Variants in SYNE2 observed in about 807,000 individuals in gnomAD.
The protein encoded by SYNE2 is nesprin-2.
A neutral mutation model predicts 856.3 loss-of-function variants in SYNE2; 431 were observed. That is an observed-to-expected ratio of 0.50 (90% CI 0.47 to 0.55). The LOEUF (loss-of-function observed/expected upper bound fraction) is 0.55. SYNE2 is among the 20% of genes least tolerant of loss of function. The pLI is 0.00. For synonymous variants in SYNE2, 2,923 were observed against 2,872.3 expected (o/e 1.02, Z -0.56); for missense variants, 8,129 against 8,023.2 (o/e 1.01, Z -0.50).
intron 37 of SYNE2, 103 bp downstream of exon 37, chr14:64,022,131 C>T: frequency 9.3e-7 from 1 of 1,070,436 alleles, no homozygotes; most frequent in Non-Finnish European, 1.4e-6. Flanking sequence ...AGATGGTTTG[C>T]ACAGACTACA....
At chr14:63,762,765 C>A (rs942654938) in intron 1 of SYNE2, among the ~76,000 whole-genome samples, 2 of 151,612 alleles carry the variant, frequency 1.3e-5, no homozygotes, top group East Asian at 3.9e-4. Flanking sequence ...AGGACAAACA[C>A]GCTGAACTAT....
intron 1 of SYNE2, among the ~76,000 whole-genome samples, chr14:63,906,094 G>C (rs760005061): frequency 6.6e-6 from 1 of 152,112 alleles, no homozygotes; most frequent in Non-Finnish European, 1.5e-5. Flanking sequence ...TGTTTATGTG[G>C]TGAATCACAT....
chr14:63,937,871 G>T (rs1404010832), intron 2 of SYNE2, among the ~76,000 whole-genome samples: 1 of 152,186 alleles, frequency 6.6e-6, no homozygotes. Context: ...AAGAATGAAA[G>T]GTAGGATATC....
At chr14:64,191,070 G>A (rs1428307524) in intron 99 of SYNE2, 1 of 701,916 alleles carries the variant, frequency 1.4e-6, no homozygotes, top group Admixed American at 2.0e-5. Context: ...ATAGAATTTG[G>A]AATATACAGG....
intron 108 of SYNE2, 67 bp downstream of exon 108, chr14:64,216,454 G>A: frequency 6.4e-7 from 1 of 1,573,724 alleles, no homozygotes; most frequent in Non-Finnish European, 8.7e-7. Flanking sequence ...GCAAGAGAGA[G>A]AGATTTTGGT....
chr14:63,979,407 T>C (rs1481272429), intron 14 of SYNE2, among the ~76,000 whole-genome samples: 1 of 152,264 alleles, frequency 6.6e-6, no homozygotes, highest in East Asian at 1.9e-4. Context: ...GATCTTAGCT[T>C]ACTAAATTTT....
intron 62 of SYNE2, 163 bp downstream of exon 62, chr14:64,098,309 A>T: frequency 1.3e-6 from 1 of 781,492 alleles, no homozygotes; most frequent in East Asian, 2.7e-5. Flanking sequence ...AGTGAATATA[A>T]ATCCTCAGGG....
chr14:64,223,083 C>A, intron 112 of SYNE2, 106 bp from the exon 113 acceptor site: 1 of 1,106,172 alleles, frequency 9.0e-7, no homozygotes, highest in Non-Finnish European at 1.4e-6. Flanking sequence ...TTGAGTACTA[C>A]CCATCATTCA....
At chr14:63,911,727 A>G (rs1306511945) in intron 2 of SYNE2, among the ~76,000 whole-genome samples, 1 of 152,228 alleles carries the variant, frequency 6.6e-6, no homozygotes, top group Non-Finnish European at 1.5e-5. Flanking sequence ...TGGAAAATTC[A>G]TTAAATCTTA....
chr14:64,050,916 G>A (rs546653398), intron 47 of SYNE2, among the ~76,000 whole-genome samples: 1 of 151,846 alleles, frequency 6.6e-6, no homozygotes, highest in South Asian at 2.1e-4. Context: ...AGCTACTTGG[G>A]AGGCTGAGGC....
At chr14:64,209,877 A>G in intron 102 of SYNE2, 65 bp from the exon 103 acceptor site, 1 of 1,607,602 alleles carries the variant, frequency 6.2e-7, no homozygotes, top group Non-Finnish European at 8.5e-7. Flanking sequence ...CTTGGGATGT[A>G]GAAGGGAAGG....
intron 93 of SYNE2, 25 bp downstream of exon 93, chr14:64,168,996 G>T: frequency 1.3e-6 from 2 of 1,575,924 alleles, no homozygotes; most frequent in Non-Finnish European, 1.7e-6. Context: ...CCTCATGAAG[G>T]TTGTGGGCGG....
At chr14:63,970,130 T>A (rs1404728827) in intron 11 of SYNE2, among the ~76,000 whole-genome samples, 2 of 152,180 alleles carry the variant, frequency 1.3e-5, no homozygotes, top group African/African-American at 2.4e-5. Context: ...GTCTTTATAT[T>A]CAAAGTGTAT....
At chr14:64,151,169 T>G (rs1374265717) in intron 84 of SYNE2, among the ~76,000 whole-genome samples, 2 of 152,044 alleles carry the variant, frequency 1.3e-5, no homozygotes, top group African/African-American at 4.8e-5. Context: ...TTTTCTACTT[T>G]CCAGTCCAGA....
At chr14:64,152,498 C>T (rs919488503) in intron 84 of SYNE2, 66 bp from the exon 85 acceptor site, 1 of 1,542,662 alleles carries the variant, frequency 6.5e-7, no homozygotes, top group Non-Finnish European at 8.9e-7. Context: ...GAACTCCTGT[C>T]TCTGACACCT....
rs1223746364 is a variant in SYNE2 at position 63,970,644 on chromosome 14, CTTTTTTCTTTTTT to C, written c.1128+2805_1128+2817del. Among the ~76,000 whole-genome samples, 4 of 127,802 alleles carry C rather than the reference CTTTTTTCTTTTTT, an allele frequency of 3.1e-5. No individual in the cohort carries two copies. In the East Asian group the frequency reaches 9.0e-4, roughly 29 times the overall value. 83.8% of individuals were successfully genotyped at this position (127,802 alleles called of 152,430 possible). On this transcript the variant is annotated intron_variant, in intron 11 of 115. Transcript: ENST00000555002. The stretch of plus-strand genomic sequence containing the variant: ...TCTTCCTTTCTGTCTTTTTTCTTTT[CTTTTTTCTTTTTT>C]TTTTTTTTTTTTTTGAGATATAGTC...
At chr14:63,946,692 CAT>C (rs2096036165) in intron 6 of SYNE2, among the ~76,000 whole-genome samples, 1 of 146,902 alleles carries the variant, frequency 6.8e-6, no homozygotes, top group African/African-American at 2.5e-5. Flanking sequence ...TACAGTATAA[CAT>C]AATATATACT....
At chr14:63,934,821 G>T (rs1448131189) in intron 2 of SYNE2, among the ~76,000 whole-genome samples, 13 of 152,076 alleles carry the variant, frequency 8.5e-5, no homozygotes, top group Admixed American at 7.2e-4. Flanking sequence ...TAAAAATAAG[G>T]AAGAGAGTAA....
Position 63,827,653 on chromosome 14 carries a change from A to G in SYNE2, c.-304-24848A>G, listed in dbSNP as rs867561977. On this transcript the variant is annotated intron_variant, in intron 1 of 23. Transcript: ENST00000674003. ...AAAAAAAAAAAAAAAAAAAAAAAAAAAAAGAAAGAAAAAGAAAAAAAGAAA... is the reference window on the plus strand; with the variant it reads ...AAAAAAAAAAAAAAAAAAAAAAAAAGAAAGAAAGAAAAAGAAAAAAAGAAA... Among the ~76,000 whole-genome samples the G allele has an allele frequency of 9.8e-4, 146 of 148,816 alleles. 1 individual carries two copies. The highest frequency in any genetic ancestry group is 3.4e-3 in the Middle Eastern group (1 of 290).
Sources: allele counts gnomAD v4.1 joint callset (sites outside exome capture counted in the v4.1 genomes callset), GRCh38; gene constraint gnomAD v4.1.1; transcripts MANE v1.5; gene names NCBI Gene and HGNC (gene_info 2026-07-23, HGNC 2026-07-21).